The following TENM3 variants were observed in gnomAD, a reference collection of about 807,000 sequenced individuals.
TENM3 encodes teneurin-3.
In TENM3, 63 loss-of-function variants were observed where a neutral mutation model predicts 255.1. That is an observed-to-expected ratio of 0.25 (90% CI 0.20 to 0.30). The LOEUF (loss-of-function observed/expected upper bound fraction) is 0.30. TENM3 is among the 10% of genes least tolerant of loss of function. TENM3 has a pLI of 1.00. For missense variants in TENM3, 2,929 were observed against 3,461.1 expected (o/e 0.85, Z 3.86); for synonymous variants, 1,306 against 1,322.3 (o/e 0.99, Z 0.27).
the TENM3 span, chr4:181,820,231 T>C: frequency 3.3e-5 from 5 of 152,150 alleles, no homozygotes; most frequent in Admixed American, 2.0e-4. Context: ...CCATATCAAA[T>C]AGGGCAAAGT....
chr4:182,691,206 G>A (rs1756982718), intron 12 of TENM3, among the ~76,000 whole-genome samples: 1 of 152,226 alleles, frequency 6.6e-6, no homozygotes, highest in African/African-American at 2.4e-5. Flanking sequence ...TTCTCACTTG[G>A]GATGGTTACT....
the TENM3 span, among the ~76,000 whole-genome samples, chr4:181,914,284 C>T: frequency 1.3e-5 from 2 of 152,138 alleles, no homozygotes; most frequent in African/African-American, 2.4e-5. Flanking sequence ...TTTGCTAATA[C>T]TGGCCCTTCA....
the TENM3 span, among the ~76,000 whole-genome samples, chr4:181,476,311 C>T: frequency 6.6e-6 from 1 of 151,302 alleles, no homozygotes; most frequent in Non-Finnish European, 1.5e-5. Context: ...AGGCTGGCTC[C>T]GAATGCAGCA....
chr4:182,192,210 C>T (rs964615041), intron 1 of TENM3, among the ~76,000 whole-genome samples: 5 of 152,162 alleles, frequency 3.3e-5, no homozygotes, highest in African/African-American at 1.2e-4. Flanking sequence ...GACACGACAA[C>T]ATACATACGT....
the TENM3 span, among the ~76,000 whole-genome samples, chr4:182,091,674 G>A: frequency 2.0e-5 from 3 of 152,200 alleles, no homozygotes; most frequent in Admixed American, 2.0e-4. Flanking sequence ...GGGAGCCTTA[G>A]CTCTCTTCTA....
At chr4:182,621,718 TATTA>T (rs1561016508) in intron 4 of TENM3, among the ~76,000 whole-genome samples, 2 of 72,086 alleles carry the variant, frequency 2.8e-5, no homozygotes, top group African/African-American at 9.5e-5. Context: ...ATATAATATA[TATTA>T]TATATAAAAT....
chr4:181,928,274 G>T, the TENM3 span, among the ~76,000 whole-genome samples: 1 of 152,004 alleles, frequency 6.6e-6, no homozygotes, highest in African/African-American at 2.4e-5. Flanking sequence ...AGGAAGCTAA[G>T]AACCTTGAAA....
chr4:182,450,879 G>T (rs1773400605), intron 3 of TENM3, among the ~76,000 whole-genome samples: 1 of 152,186 alleles, frequency 6.6e-6, no homozygotes, highest in Non-Finnish European at 1.5e-5. Flanking sequence ...AGTTAAAAGA[G>T]TTGTACTTTT....
chr4:182,591,852 A>C (rs1746682649), intron 3 of TENM3, among the ~76,000 whole-genome samples: 1 of 152,198 alleles, frequency 6.6e-6, no homozygotes, highest in African/African-American at 2.4e-5. Context: ...TTGGAAAACG[A>C]AAGGAAAAGA....
the TENM3 span, among the ~76,000 whole-genome samples, chr4:181,962,159 G>A: frequency 6.6e-6 from 1 of 152,144 alleles, no homozygotes; most frequent in Non-Finnish European, 1.5e-5. Context: ...TTAGACATAA[G>A]CAAGTCACCT....
the TENM3 span, among the ~76,000 whole-genome samples, chr4:181,654,754 CAAAAAAA>C: frequency 1.1e-5 from 1 of 93,024 alleles, no homozygotes; most frequent in African/African-American, 4.5e-5. Flanking sequence ...AACTCCATCT[CAAAAAAA>C]AAAAAAAAAA....
the TENM3 span, among the ~76,000 whole-genome samples, chr4:181,652,391 C>T: frequency 3.9e-5 from 6 of 152,304 alleles, no homozygotes; most frequent in Admixed American, 2.0e-4. Flanking sequence ...ACACTCTCTA[C>T]GAAAGTCTGT....
chr4:181,524,668 G>A, the TENM3 span, among the ~76,000 whole-genome samples: 1 of 152,194 alleles, frequency 6.6e-6, no homozygotes, highest in Admixed American at 6.5e-5. Flanking sequence ...CCCTTGGTTA[G>A]TGTGGTACAT....
the TENM3 span, among the ~76,000 whole-genome samples, chr4:181,670,320 G>A: frequency 5.5e-4 from 84 of 152,110 alleles, no homozygotes; most frequent in Non-Finnish European, 1.1e-3. Flanking sequence ...GAGAGTGACC[G>A]GTTTGTAACC....
intron 1 of TENM3, among the ~76,000 whole-genome samples, chr4:182,308,015 A>C (rs1237382548): frequency 2.0e-5 from 3 of 152,218 alleles, no homozygotes; most frequent in Non-Finnish European, 4.4e-5. Context: ...ACATCTGAGA[A>C]CGCAACATTT....
Position 182,600,918 on chromosome 4 carries a change from T to C in TENM3, c.512-6T>C. ...CTTTCTTTTTTTTTTTTTTTTTTTT[T>C]TTCAGAGCAACCTGCAAGCAATCAA... On this transcript the variant is annotated splice_region_variant and splice_polypyrimidine_tract_variant and intron_variant, in intron 3 of 27. Coordinates refer to ENST00000511685, the MANE Select transcript of TENM3 (RefSeq NM_001080477.4). 7.0e-7 allele frequency: 1 copy of C among 1,423,100 alleles called. No individual in the cohort carries two copies. The highest frequency in any genetic ancestry group is 1.4e-5 in the South Asian group (1 of 72,070). 88.2% of individuals were successfully genotyped at this position (1,423,100 alleles called of 1,614,324 possible).
chr4:181,843,997 C>T, the TENM3 span, among the ~76,000 whole-genome samples: 3 of 152,068 alleles, frequency 2.0e-5, no homozygotes, highest in African/African-American at 7.2e-5. Flanking sequence ...GGATTACAGA[C>T]ATGAGCCACC....
chr4:182,248,077 ATT>A (rs576304010), intron 1 of TENM3, among the ~76,000 whole-genome samples: 168 of 152,344 alleles, frequency 1.1e-3, no homozygotes, highest in East Asian at 4.0e-3. Flanking sequence ...ATCACTTATA[ATT>A]GCCTTTAGGC....
At chr4:182,620,604 A>C (rs907365206) in intron 4 of TENM3, among the ~76,000 whole-genome samples, 1 of 152,234 alleles carries the variant, frequency 6.6e-6, no homozygotes, top group Non-Finnish European at 1.5e-5. Context: ...TCTACACAAA[A>C]TGACACCATT....
Sources: gnomAD v4.1 joint callset for allele counts (sites outside exome capture counted in the v4.1 genomes callset) on GRCh38, gnomAD v4.1.1 for gene constraint, MANE v1.5 for transcripts, NCBI Gene and HGNC (gene_info 2026-07-23, HGNC 2026-07-21) for gene names.